The following CCZ1B variants were observed in gnomAD, a reference collection of about 807,000 sequenced individuals.
CCZ1B encodes the protein CCZ1B vacuolar protein trafficking and biogenesis associated.
In CCZ1B, 25 loss-of-function variants were observed where a neutral mutation model predicts 58.8. That is an observed-to-expected ratio of 0.43 (90% CI 0.31 to 0.59). The LOEUF is 0.59. Ranked by LOEUF, CCZ1B falls within the 20% of genes least tolerant of loss-of-function variation. The pLI is 0.12. For synonymous variants in CCZ1B, 66 were observed against 173.2 expected (o/e 0.38, Z 4.86); for missense variants, 180 against 501.5 (o/e 0.36, Z 6.12).
In CCZ1B at chr7:6,812,075, G is replaced by GT. The variant is rs1320804594; in HGVS notation, c.843-13_843-12insA. 1 of 1,109,536 alleles carries GT rather than the reference G, an allele frequency of 9.0e-7. No individual in the cohort carries two copies. Among genetic ancestry groups the GT allele is most frequent in the African/African-American group, 1.6e-5 (1 of 61,768 alleles). 68.7% of individuals were successfully genotyped at this position (1,109,536 alleles called of 1,614,324 possible). ...GTCCGGTAAGAAATCTTAAAAGCAAGAACAGACATGACTTGATTCAACGAG... is the reference window on the plus strand; with the variant it reads ...GTCCGGTAAGAAATCTTAAAAGCAAGTAACAGACATGACTTGATTCAACGAG... On this transcript the variant is annotated splice_polypyrimidine_tract_variant and intron_variant, in intron 9 of 14. Coordinates refer to ENST00000316731, the MANE Select transcript of CCZ1B (RefSeq NM_198097.5).
chr7:6,817,311 C>T (rs1324322987), intron 7 of CCZ1B, among the ~76,000 whole-genome samples: 3 of 151,662 alleles, frequency 2.0e-5, no homozygotes, highest in South Asian at 4.2e-4. Context: ...CCAGGGTCTC[C>T]CAGAATGAGC....
At chr7:6,800,463 T>A (rs1782745832) in intron 14 of CCZ1B, among the ~76,000 whole-genome samples, 1 of 139,190 alleles carries the variant, frequency 7.2e-6, no homozygotes, top group Non-Finnish European at 1.5e-5. Flanking sequence ...GAGCCCAGCC[T>A]GTGCGACAGA....
In CCZ1B at chr7:6,823,268, G is replaced by A; in HGVS notation, c.438+45C>T. 9 of 1,602,396 alleles carry A rather than the reference G, an allele frequency of 5.6e-6. 1 individual carries two copies. The highest frequency in any genetic ancestry group is 7.7e-6 in the Non-Finnish European group (9 of 1,174,150). On this transcript the variant is annotated intron_variant, in intron 5 of 14. Transcript: ENST00000316731. ...AAACAACCCTGGAGCCTAGAGATAG[G>A]GGTAAGTGGTTGGACTCTGAGTTGA...
chr7:6,812,201 T>A (rs544582348), intron 9 of CCZ1B, 138 bp from the exon 10 acceptor site: 5 of 980,258 alleles, frequency 5.1e-6, no homozygotes, highest in Non-Finnish European at 7.9e-6. Flanking sequence ...CATATCAGAA[T>A]AGGCCGGCTG....
chr7:6,818,025 T>C (rs1247677492), intron 7 of CCZ1B, among the ~76,000 whole-genome samples: 3 of 148,742 alleles, frequency 2.0e-5, no homozygotes, highest in Non-Finnish European at 4.4e-5. Flanking sequence ...AAAAAGTAGA[T>C]GGGTTTCACC....
intron 7 of CCZ1B, among the ~76,000 whole-genome samples, chr7:6,815,159 A>C (rs1486927345): frequency 7.0e-6 from 1 of 143,042 alleles, no homozygotes; most frequent in Non-Finnish European, 1.5e-5. Flanking sequence ...TTATTAAAAA[A>C]AAATTTTTTT....
chr7:6,800,376 T>C (rs560814944), intron 14 of CCZ1B, among the ~76,000 whole-genome samples: 11 of 137,302 alleles, frequency 8.0e-5, no homozygotes, highest in African/African-American at 3.1e-4. Context: ...AAAGGACATT[T>C]TGGGCTGGGC....
At chr7:6,822,743 C>T (rs1783131899) in intron 5 of CCZ1B, among the ~76,000 whole-genome samples, 2 of 128,390 alleles carry the variant, frequency 1.6e-5, no homozygotes, top group South Asian at 5.9e-4. Context: ...TCGCTGTTGC[C>T]CAGGGTAGAG....
intron 1 of CCZ1B, 147 bp downstream of exon 1, chr7:6,825,931 G>C (rs1783191518): frequency 2.8e-6 from 1 of 362,596 alleles, no homozygotes; most frequent in South Asian, 4.5e-5. Flanking sequence ...CCTGCCTGCT[G>C]TCAGGTCCCC....
chr7:6,809,595 A>G (rs1455974336), intron 10 of CCZ1B, among the ~76,000 whole-genome samples: 2 of 133,018 alleles, frequency 1.5e-5, no homozygotes, highest in Non-Finnish European at 3.1e-5. Flanking sequence ...TCCTACTCCA[A>G]TTCCTGCTCT....
At chr7:6,815,838 C>G (rs1042877956) in intron 7 of CCZ1B, among the ~76,000 whole-genome samples, 1 of 148,126 alleles carries the variant, frequency 6.8e-6, no homozygotes, top group Non-Finnish European at 1.5e-5. Flanking sequence ...CAAAGCCACA[C>G]TGTTTCATTT....
chr7:6,809,371 G>A (rs1391005753), intron 10 of CCZ1B, among the ~76,000 whole-genome samples: 1 of 137,096 alleles, frequency 7.3e-6, no homozygotes, highest in African/African-American at 3.0e-5. Context: ...AAGTCATTAA[G>A]AAAAAGGTAA....
intron 14 of CCZ1B, among the ~76,000 whole-genome samples, chr7:6,799,544 C>T (rs1782725236): frequency 2.1e-5 from 1 of 48,410 alleles, no homozygotes; most frequent in Non-Finnish European, 3.4e-5. Flanking sequence ...TACAGGTGCA[C>T]ACCACCACGC....
intron 10 of CCZ1B, among the ~76,000 whole-genome samples, chr7:6,810,072 C>T (rs1248614600): frequency 2.0e-5 from 3 of 150,682 alleles, no homozygotes; most frequent in African/African-American, 7.4e-5. Flanking sequence ...AGCACAGTGG[C>T]GTAAGCTCAG....
rs1357282011 is a variant in CCZ1B, at chr7:6,818,634, CAAGAA to C, written c.698+1127_698+1131del. 6.8e-4 allele frequency among the ~76,000 whole-genome samples: 74 copies of C among 109,170 alleles called. 3 individuals carry two copies. Among genetic ancestry groups the C allele is most frequent in the South Asian group, 5.2e-3 (16 of 3,082 alleles). The allele number at this position is 109,170 out of a possible 152,430, so 71.6% of individuals were successfully genotyped here. On this transcript the variant is annotated intron_variant, in intron 7 of 14. Coordinates refer to ENST00000316731, the MANE Select transcript of CCZ1B (RefSeq NM_198097.5). ...AAGAAAGACAAGAAAGAAAGAAAGA[CAAGAA>C]AGAAAGAAAGACAGAAAGAAAGACA...
chr7:6,816,208 G>A lies in CCZ1B; in HGVS notation c.699-1363C>T, dbSNP rs978691226. Among the ~76,000 whole-genome samples, 4 of 148,544 alleles carry A rather than the reference G, an allele frequency of 2.7e-5. 1 individual carries two copies. The highest frequency in any genetic ancestry group is 2.1e-4 in the South Asian group (1 of 4,654). On this transcript the variant is annotated intron_variant, in intron 7 of 14. Coordinates refer to ENST00000316731, the MANE Select transcript of CCZ1B (RefSeq NM_198097.5). ...AAATACCGTGAAGGTGGTCGGGCGCGGAAGCTCACACCTGTAATCCCAGCA... is the reference window on the plus strand; with the variant it reads ...AAATACCGTGAAGGTGGTCGGGCGCAGAAGCTCACACCTGTAATCCCAGCA...
At position 6,822,770 on chromosome 7, in the gene CCZ1B, C is replaced by T. The variant is rs538337021; in HGVS notation, c.439-406G>A. ...AGGGTAGAGTGCAGTGGTGCAATCA[C>T]AGTTCACTGCAGCCTCGACCTCCAA... is the stretch of plus-strand genomic sequence containing the variant. On this transcript the variant is annotated intron_variant, in intron 5 of 14. Coordinates refer to ENST00000316731, the MANE Select transcript of CCZ1B (RefSeq NM_198097.5). Among the ~76,000 whole-genome samples, 22 of 137,702 alleles carry T rather than the reference C, an allele frequency of 1.6e-4. 1 individual carries two copies. The highest frequency in any genetic ancestry group is 3.3e-4 in the African/African-American group (12 of 36,002). The allele number at this position is 137,702 out of a possible 152,430, so 90.3% of individuals were successfully genotyped here.
At position 6,800,244 on chromosome 7, in the gene CCZ1B, C is replaced by CA. The variant is rs1782738701; in HGVS notation, c.1393+703_1393+704insT. Reference sequence around the variant, plus strand: ...CAGTGGGCAAGGCTGGCCGCTTTGGCGGGAAGGCAGGAGAAAATGTCTGCC... The same window carrying CA: ...CAGTGGGCAAGGCTGGCCGCTTTGGCAGGGAAGGCAGGAGAAAATGTCTGCC... On this transcript the variant is annotated intron_variant, in intron 14 of 14. Coordinates refer to ENST00000316731, the MANE Select transcript of CCZ1B (RefSeq NM_198097.5). Among the ~76,000 whole-genome samples the CA allele has an allele frequency of 2.9e-5, 4 of 136,430 alleles. No homozygotes were observed. In the Admixed American group the frequency reaches 3.0e-4, roughly 10 times the overall value. 89.5% of individuals were successfully genotyped at this position (136,430 alleles called of 152,430 possible). A position where few individuals can be genotyped will look rare whatever the true frequency, so the allele number is the denominator to read the frequency against.
intron 12 of CCZ1B, among the ~76,000 whole-genome samples, chr7:6,804,538 C>T (rs879413130): frequency 0.031 from 3,036 of 96,956 alleles, 117 homozygotes; most frequent in Non-Finnish European, 0.044. Context: ...AGACTGAGTA[C>T]CCAGGCCCAG....
Sources: gnomAD v4.1 joint callset for allele counts (sites outside exome capture counted in the v4.1 genomes callset) on GRCh38, gnomAD v4.1.1 for gene constraint, MANE v1.5 for transcripts, NCBI Gene and HGNC (gene_info 2026-07-23, HGNC 2026-07-21) for gene names.